TPST1: variants seen among roughly 807,000 people sequenced by gnomAD.
TPST1 encodes protein-tyrosine sulfotransferase 1.
In TPST1, 20 loss-of-function variants were observed where a neutral mutation model predicts 34.8. That is an observed-to-expected ratio of 0.57 (90% CI 0.40 to 0.84). The LOEUF (loss-of-function observed/expected upper bound fraction) is 0.84. Among genes scored for constraint, TPST1 ranks in the 40% least tolerant of loss-of-function variants. The probability of loss-of-function intolerance (pLI) is 0.00; values close to 1 mark genes in which losing one functional copy is unlikely to be tolerated. For synonymous variants in TPST1, 152 were observed against 159.4 expected (o/e 0.95, Z 0.35); for missense variants, 353 against 455.5 (o/e 0.78, Z 2.05).
intron 3 of TPST1, among the ~76,000 whole-genome samples, chr7:66,314,695 A>G (rs1791599047): frequency 6.6e-6 from 1 of 152,236 alleles, no homozygotes; most frequent in Non-Finnish European, 1.5e-5. Flanking sequence ...ATAGCCTGCT[A>G]CATAGCTAGG....
At chr7:66,301,966 C>T (rs1791327265) in intron 3 of TPST1, among the ~76,000 whole-genome samples, 1 of 152,204 alleles carries the variant, frequency 6.6e-6, no homozygotes, top group Non-Finnish European at 1.5e-5. Context: ...AAAAACACAA[C>T]ATCTGCAAAG....
chr7:66,357,132 G>A (rs924597831), intron 5 of TPST1, among the ~76,000 whole-genome samples: 6 of 152,184 alleles, frequency 3.9e-5, no homozygotes, highest in African/African-American at 9.7e-5. Flanking sequence ...CATAATAAGC[G>A]CACAATAGTA....
intron 2 of TPST1, among the ~76,000 whole-genome samples, chr7:66,243,610 A>ATTT (rs10627680): frequency 0.56 from 68,355 of 122,766 alleles, 19,534 homozygotes; most frequent in African/African-American, 0.64. Context: ...TGCCCAGCTA[A>ATTT]TTTTTTTTTT....
At chr7:66,221,611 TGTAA>T (rs985862699) in intron 1 of TPST1, 1 of 152,154 alleles carries the variant, frequency 6.6e-6, no homozygotes, top group African/African-American at 2.4e-5. Flanking sequence ...ATCATTACAG[TGTAA>T]GTGAGAGCTG....
chr7:66,323,805 G>A (rs1791806802), intron 3 of TPST1, among the ~76,000 whole-genome samples: 1 of 152,172 alleles, frequency 6.6e-6, no homozygotes, highest in Non-Finnish European at 1.5e-5. Context: ...CCACCGGGAT[G>A]CTTATAATAA....
chr7:66,326,459 G>T (rs566472734), intron 3 of TPST1, among the ~76,000 whole-genome samples: 1 of 152,306 alleles, frequency 6.6e-6, no homozygotes, highest in South Asian at 2.1e-4. Flanking sequence ...GACTTTACTT[G>T]TATATATTAA....
chr7:66,347,274 C>T (rs896509345), intron 3 of TPST1, among the ~76,000 whole-genome samples: 1 of 151,640 alleles, frequency 6.6e-6, no homozygotes. Flanking sequence ...CACCATGTTG[C>T]CCGGGCTGGT....
At chr7:66,328,901 TATA>T (rs1562847262) in intron 3 of TPST1, among the ~76,000 whole-genome samples, 18 of 58,334 alleles carry the variant, frequency 3.1e-4, no homozygotes, top group East Asian at 1.7e-3. Flanking sequence ...TATATATATA[TATA>T]TATTTTTTTT....
At chr7:66,218,639 A>G (rs769061693) in intron 1 of TPST1, among the ~76,000 whole-genome samples, 1 of 152,132 alleles carries the variant, frequency 6.6e-6, no homozygotes, top group Non-Finnish European at 1.5e-5. Flanking sequence ...AGGTCAGGAT[A>G]TCAAGACCAT....
intron 2 of TPST1, among the ~76,000 whole-genome samples, chr7:66,252,003 T>TA (rs1790271818): frequency 6.6e-6 from 1 of 152,220 alleles, no homozygotes; most frequent in Non-Finnish European, 1.5e-5. Flanking sequence ...TTCTCTAAGA[T>TA]ATACACTTTG....
At chr7:66,202,401 T>C (rs1789043221), upstream of TPST1, among the ~76,000 whole-genome samples, 1 of 152,218 alleles carries the variant, frequency 6.6e-6, no homozygotes, top group Non-Finnish European at 1.5e-5. Flanking sequence ...GATCGTGTCC[T>C]TTCTTCTTAC....
At chr7:66,235,727 A>G (rs1452191973) in intron 1 of TPST1, among the ~76,000 whole-genome samples, 1 of 152,184 alleles carries the variant, frequency 6.6e-6, no homozygotes, top group South Asian at 2.1e-4. Context: ...CGTGTGCCCA[A>G]GGTAGTTGAG....
intron 3 of TPST1, among the ~76,000 whole-genome samples, chr7:66,336,384 A>C (rs964854586): frequency 6.6e-6 from 1 of 152,222 alleles, no homozygotes; most frequent in African/African-American, 2.4e-5. Flanking sequence ...AAAGCAATCC[A>C]TGTATGTAGT....
intron 1 of TPST1, among the ~76,000 whole-genome samples, chr7:66,220,589 C>T (rs1789521201): frequency 3.4e-5 from 5 of 149,160 alleles, no homozygotes; most frequent in Admixed American, 1.4e-4. Flanking sequence ...CAGAGAGACA[C>T]GCAAAAGCTG....
At chr7:66,249,236 T>C (rs1790214863) in intron 2 of TPST1, among the ~76,000 whole-genome samples, 1 of 151,992 alleles carries the variant, frequency 6.6e-6, no homozygotes. Flanking sequence ...AGATTTAAAA[T>C]GTAAGCCTAG....
chr7:66,300,292 G>A (rs1001042644), intron 3 of TPST1, among the ~76,000 whole-genome samples: 33 of 152,164 alleles, frequency 2.2e-4, no homozygotes, highest in African/African-American at 8.0e-4. Flanking sequence ...TCCATCTCAA[G>A]AACCACTTTC....
intron 3 of TPST1, among the ~76,000 whole-genome samples, chr7:66,318,908 A>G (rs1791692556): frequency 6.6e-6 from 1 of 152,224 alleles, no homozygotes; most frequent in East Asian, 1.9e-4. Context: ...CTTTGAAGAT[A>G]TTTTAACATT....
intron 3 of TPST1, among the ~76,000 whole-genome samples, chr7:66,321,402 G>T: frequency 6.6e-6 from 1 of 152,226 alleles, no homozygotes; most frequent in Non-Finnish European, 1.5e-5. Flanking sequence ...AGAAAAAGCA[G>T]GTGTCAACCA....
chr7:66,321,726 T>G (rs926825093), intron 3 of TPST1, among the ~76,000 whole-genome samples: 1 of 152,260 alleles, frequency 6.6e-6, no homozygotes, highest in Non-Finnish European at 1.5e-5. Context: ...ACTTCAGTTC[T>G]TCTACTTTGC....
Sources: allele counts gnomAD v4.1 joint callset (sites outside exome capture counted in the v4.1 genomes callset), GRCh38; gene constraint gnomAD v4.1.1; transcripts MANE v1.5; gene names NCBI Gene and HGNC (gene_info 2026-07-23, HGNC 2026-07-21).